SSH2: variants seen among roughly 807,000 people sequenced by gnomAD.
SSH2 encodes protein phosphatase Slingshot homolog 2.
A neutral mutation model predicts 135.2 loss-of-function variants in SSH2; 37 were observed. The observed-to-expected ratio is 0.27, with a 90% CI of 0.21 to 0.36. The LOEUF is 0.36. SSH2 is among the 10% of genes least tolerant of loss of function. The probability of loss-of-function intolerance (pLI) is 1.00; values close to 1 mark genes in which losing one functional copy is unlikely to be tolerated. For synonymous variants in SSH2, 628 were observed against 646.2 expected (o/e 0.97, Z 0.43); for missense variants, 1,408 against 1,765.3 (o/e 0.80, Z 3.63).
intron 1 of SSH2, among the ~76,000 whole-genome samples, chr17:29,927,435 G>T (rs1294613420): frequency 6.6e-6 from 1 of 152,096 alleles, no homozygotes; most frequent in Non-Finnish European, 1.5e-5. Flanking sequence ...CAACACTAAA[G>T]AGCTGGCAGT....
At chr17:29,652,506 T>C (rs910490384) in intron 12 of SSH2, among the ~76,000 whole-genome samples, 1 of 151,932 alleles carries the variant, frequency 6.6e-6, no homozygotes, top group Non-Finnish European at 1.5e-5. Flanking sequence ...ACCAACAAAT[T>C]ATACATTTAA....
In SSH2 at chr17:29,637,488, A is replaced by C. The variant is rs908011212; in HGVS notation, c.1428-686T>G. Reference sequence around the variant, plus strand: ...GGAATACTACTACAAGTACACACAGATATCCATATGGCCAGGTAAGGTGGC... The same window carrying C: ...GGAATACTACTACAAGTACACACAGCTATCCATATGGCCAGGTAAGGTGGC... On this transcript the variant is annotated intron_variant, in intron 14 of 15. Coordinates refer to ENST00000540801, the MANE Select transcript of SSH2 (RefSeq NM_001282129.2). Among the ~76,000 whole-genome samples, 4 of 152,282 alleles carry C rather than the reference A, an allele frequency of 2.6e-5. No homozygotes were observed. In the East Asian group the frequency reaches 7.7e-4, roughly 29 times the overall value.
intron 4 of SSH2, 146 bp downstream of exon 4, chr17:29,702,813 G>A (rs1175096116): frequency 1.6e-6 from 1 of 636,720 alleles, no homozygotes. Flanking sequence ...ATTGGTCTGT[G>A]AGGGTAAAAG....
At chr17:29,738,486 C>A (rs900781516) in intron 3 of SSH2, among the ~76,000 whole-genome samples, 3 of 152,040 alleles carry the variant, frequency 2.0e-5, no homozygotes, top group Admixed American at 6.6e-5. Flanking sequence ...AGTTCTAGAT[C>A]CTTGAGACCT....
chr17:29,710,270 C>T (rs1300165663), intron 3 of SSH2, among the ~76,000 whole-genome samples: 2 of 152,160 alleles, frequency 1.3e-5, no homozygotes, highest in Non-Finnish European at 2.9e-5. Context: ...AGATGTTATA[C>T]TAAAATGAAG....
intron 3 of SSH2, among the ~76,000 whole-genome samples, chr17:29,715,133 C>T (rs951164364): frequency 3.0e-4 from 46 of 152,150 alleles, no homozygotes; most frequent in Non-Finnish European, 5.1e-4. Context: ...TCCCAAAGTG[C>T]TGGGATTACA....
chr17:29,661,262 T>C (rs1388979253), intron 11 of SSH2, among the ~76,000 whole-genome samples: 4 of 152,128 alleles, frequency 2.6e-5, no homozygotes, highest in Admixed American at 2.0e-4. Context: ...TGGCTCATCA[T>C]GCTCTCCTTC....
chr17:29,774,164 C>T (rs551605934), intron 3 of SSH2, among the ~76,000 whole-genome samples: 1 of 152,310 alleles, frequency 6.6e-6, no homozygotes, highest in South Asian at 2.1e-4. Flanking sequence ...AAAAACTTGA[C>T]CTTATACTAA....
chr17:29,838,930 G>C lies in SSH2; in HGVS notation c.144+9919C>G, dbSNP rs573244194. 8.2e-5 allele frequency: 13 copies of C among 158,938 alleles called. No individual in the cohort carries two copies. In the East Asian group the frequency reaches 2.2e-3, roughly 27 times the overall value. 9.8% of individuals were successfully genotyped at this position (158,938 alleles called of 1,614,324 possible). On this transcript the variant is annotated intron_variant, in intron 2 of 15. Transcript: ENST00000540801. Reference sequence around the variant, plus strand: ...CTGAAACGTGCCCTTTGCTCACCATGTTGCAGGCGACAATAGGGAAAGAAG... The same window carrying C: ...CTGAAACGTGCCCTTTGCTCACCATCTTGCAGGCGACAATAGGGAAAGAAG...
intron 2 of SSH2, among the ~76,000 whole-genome samples, chr17:29,804,739 A>G (rs1320416041): frequency 6.6e-6 from 1 of 151,806 alleles, no homozygotes; most frequent in Non-Finnish European, 1.5e-5. Context: ...AGGCACGATC[A>G]TAGCTCACTA....
chr17:29,800,405 A>T (rs1567982235), intron 2 of SSH2, among the ~76,000 whole-genome samples: 1 of 152,206 alleles, frequency 6.6e-6, no homozygotes. Flanking sequence ...TAGCATTCAA[A>T]TGGTAGCTGA....
At chr17:29,901,837 A>G (rs143702388) in intron 1 of SSH2, among the ~76,000 whole-genome samples, 124 of 152,018 alleles carry the variant, frequency 8.2e-4, no homozygotes, top group African/African-American at 2.9e-3. Context: ...GCTGGAACGC[A>G]ATGGCATGTG....
At chr17:29,655,298 G>A (rs1305704475) in intron 12 of SSH2, among the ~76,000 whole-genome samples, 1 of 152,054 alleles carries the variant, frequency 6.6e-6, no homozygotes, top group Non-Finnish European at 1.5e-5. Context: ...TAGAGACGGG[G>A]TTTCACTGTG....
intron 3 of SSH2, among the ~76,000 whole-genome samples, chr17:29,741,611 CTTT>C (rs6146027): frequency 7.2e-4 from 102 of 140,810 alleles, no homozygotes; most frequent in African/African-American, 2.7e-3. Flanking sequence ...AATCCCCCTC[CTTT>C]TTTTTTTTTT....
chr17:29,743,563 C>T (rs1323348667), intron 3 of SSH2, among the ~76,000 whole-genome samples: 2 of 152,110 alleles, frequency 1.3e-5, no homozygotes, highest in East Asian at 1.9e-4. Context: ...TAGTAGACTA[C>T]GATAACTGGG....
chr17:29,896,916 AG>A (rs1302749620), intron 1 of SSH2, among the ~76,000 whole-genome samples: 1 of 151,812 alleles, frequency 6.6e-6, no homozygotes, highest in Non-Finnish European at 1.5e-5. Context: ...CCAGACACTA[AG>A]GGGGGTACGA....
At chr17:29,749,178 A>AAG (rs1289562886) in intron 3 of SSH2, among the ~76,000 whole-genome samples, 2 of 152,192 alleles carry the variant, frequency 1.3e-5, no homozygotes, top group Non-Finnish European at 2.9e-5. Flanking sequence ...TACAACACAT[A>AAG]AGAAGCCTTC....
At chr17:29,860,716 G>A (rs966731618) in intron 1 of SSH2, among the ~76,000 whole-genome samples, 1 of 151,124 alleles carries the variant, frequency 6.6e-6, no homozygotes, top group African/African-American at 2.4e-5. Context: ...ACAGGCATGA[G>A]CTACTGTGCT....
chr17:29,634,437 G>C (rs2035809292), intron 15 of SSH2, among the ~76,000 whole-genome samples: 1 of 152,216 alleles, frequency 6.6e-6, no homozygotes. Flanking sequence ...TCTTAGAATT[G>C]ATGCGATATA....
Sources: allele counts gnomAD v4.1 joint callset (sites outside exome capture counted in the v4.1 genomes callset), GRCh38; gene constraint gnomAD v4.1.1; transcripts MANE v1.5; gene names NCBI Gene and HGNC (gene_info 2026-07-23, HGNC 2026-07-21).